The following KDR variants were observed in gnomAD, a reference collection of about 807,000 sequenced individuals.
KDR encodes kinase insert domain receptor.
Under a neutral mutation model 160.9 loss-of-function variants are expected in KDR, and 43 were observed. That is an observed-to-expected ratio of 0.27 (90% CI 0.21 to 0.34). The LOEUF (loss-of-function observed/expected upper bound fraction) is 0.34, where lower values mean the gene tolerates loss of function less well. Ranked by LOEUF, KDR falls within the 10% of genes least tolerant of loss-of-function variation. KDR has a pLI of 1.00. For missense variants in KDR, 1,469 were observed against 1,666.4 expected (o/e 0.88, Z 2.06); for synonymous variants, 617 against 600.1 (o/e 1.03, Z -0.41).
chr4:55,105,660 A>G (rs1406708064), intron 12 of KDR, among the ~76,000 whole-genome samples, 172 bp downstream of exon 12: 3 of 152,224 alleles, frequency 2.0e-5, no homozygotes, highest in Non-Finnish European at 4.4e-5. Context: ...ACATAAGCCC[A>G]GGAGATACCT....
Position 55,094,886 on chromosome 4 carries a change from A to C in KDR, c.2887T>G (p.Leu963Val). ...GAIPVDLKRRLDSITSSQSSA... is the reference protein window; with the variant it reads ...GAIPVDLKRRVDSITSSQSSA... The stretch of plus-strand genomic sequence containing the variant: ...CTCTGGCTACTGGTGATGCTGTCCA[A>C]GCGCCGTTTCAGATCCACAGGGATT... Residue 963 changes from leucine (L) to valine (V), a missense_variant, in exon 21 of 30, where the codon TTG (leucine) becomes GTG (valine). Coordinates refer to ENST00000263923, the MANE Select transcript of KDR (RefSeq NM_002253.4). 6.2e-7 allele frequency: 1 copy of C among 1,613,964 alleles called. No individual in the cohort carries two copies. Among genetic ancestry groups the C allele is most frequent in the Non-Finnish European group, 8.5e-7 (1 of 1,179,884 alleles).
intron 15 of KDR, among the ~76,000 whole-genome samples, chr4:55,099,063 T>C (rs1413614393): frequency 6.6e-6 from 1 of 151,840 alleles, no homozygotes; most frequent in Non-Finnish European, 1.5e-5. Context: ...TGTTCCAGGC[T>C]GGAGTACCAT....
At position 55,117,621 on chromosome 4, in the gene KDR, T is replaced by C. The variant is rs1011832111; in HGVS notation, c.358+983A>G. Among the ~76,000 whole-genome samples, 8 of 152,238 alleles carry C rather than the reference T, an allele frequency of 5.3e-5. No homozygotes were observed. In the South Asian group the frequency reaches 8.3e-4, roughly 16 times the overall value. On this transcript the variant is annotated intron_variant, in intron 3 of 29. Transcript: ENST00000263923. ...ATGTAAGCAGAGATATGCAAGTGTGTTTCCCAAAGCTGATGAAATTCTTGC... is the reference window on the plus strand; with the variant it reads ...ATGTAAGCAGAGATATGCAAGTGTGCTTCCCAAAGCTGATGAAATTCTTGC...
Position 55,125,420 on chromosome 4 carries a change from C to G in KDR, c.-127G>C, listed in dbSNP as rs1721008106. On this transcript the variant is annotated 5_prime_UTR_variant, in exon 1 of 30. Transcript: ENST00000263923. ...CCGCAGCGCAGGACAGTTGAGCGCA[C>G]AGGGCTAGGGAGCCCGGGCGCCGAC... 1.6e-6 allele frequency: 2 copies of G among 1,259,308 alleles called. No homozygotes were observed. Among genetic ancestry groups the G allele is most frequent in the East Asian group, 5.1e-5 (2 of 39,568 alleles). 78.0% of individuals were successfully genotyped at this position (1,259,308 alleles called of 1,614,324 possible).
rs1719679114 is a variant in KDR at position 55,079,678 on chromosome 4, C to CA, written c.*262dup. On this transcript the variant is annotated 3_prime_UTR_variant, in exon 30 of 30. Transcript: ENST00000263923. ...TCTAAACCCATGGTGAGACCCGCAG[C>CA]AGGGGGCATGATAAATGCTTTTTAA... 1 of 529,852 alleles carries CA rather than the reference C, an allele frequency of 1.9e-6. No homozygotes were observed. Among genetic ancestry groups the CA allele is most frequent in the African/African-American group, 1.9e-5 (1 of 52,744 alleles). The allele number at this position is 529,852 out of a possible 1,614,324, so 32.8% of individuals were successfully genotyped here.
At chr4:55,112,418 T>C (rs1456497085) in intron 7 of KDR, among the ~76,000 whole-genome samples, 4 of 152,142 alleles carry the variant, frequency 2.6e-5, no homozygotes, top group African/African-American at 9.7e-5. Context: ...ATAATACATA[T>C]AACATATAAA....
intron 14 of KDR, 107 bp from the exon 15 acceptor site, chr4:55,102,135 T>C (rs1196984145): frequency 6.0e-6 from 9 of 1,507,342 alleles, no homozygotes; most frequent in Non-Finnish European, 8.2e-6. Context: ...TGTTCTATTA[T>C]CTAACTCTGT....
intron 13 of KDR, 171 bp downstream of exon 13, chr4:55,104,472 C>G: frequency 1.5e-6 from 1 of 663,466 alleles, no homozygotes; most frequent in Admixed American, 2.3e-5. Context: ...TTCGATATAT[C>G]ATTTCATTAT....
Position 55,098,119 on chromosome 4 carries a change from T to C in KDR, c.2509+18A>G, listed in dbSNP as rs958817309. 1 of 1,613,798 alleles carries C rather than the reference T, an allele frequency of 6.2e-7. No individual in the cohort carries two copies. Among genetic ancestry groups the C allele is most frequent in the African/African-American group, 1.3e-5 (1 of 75,032 alleles). The stretch of plus-strand genomic sequence containing the variant: ...CCTGGTAAACACAATATCAAATTAA[T>C]AGCAATTGAAAATGCACCTAGCTTC... On this transcript the variant is annotated intron_variant, in intron 17 of 29. Coordinates refer to ENST00000263923, the MANE Select transcript of KDR (RefSeq NM_002253.4).
chr4:55,112,155 C>A (rs1438081525), intron 7 of KDR, among the ~76,000 whole-genome samples: 1 of 152,108 alleles, frequency 6.6e-6, no homozygotes, highest in Non-Finnish European at 1.5e-5. Flanking sequence ...TTACAGTTGA[C>A]CCTTAAATAA....
At chr4:55,109,975 G>T (rs1720536549) in intron 9 of KDR, among the ~76,000 whole-genome samples, 2 of 152,188 alleles carry the variant, frequency 1.3e-5, no homozygotes, top group South Asian at 4.1e-4. Context: ...GAACGTGCCT[G>T]CACATCTCTG....
chr4:55,107,327 G>A (rs1044046846), intron 10 of KDR, among the ~76,000 whole-genome samples: 1 of 152,186 alleles, frequency 6.6e-6, no homozygotes, highest in East Asian at 1.9e-4. Context: ...CTGAGACCCT[G>A]AGGACTGGGG....
At chr4:55,099,930 A>G (rs1720267993) in intron 15 of KDR, among the ~76,000 whole-genome samples, 2 of 152,170 alleles carry the variant, frequency 1.3e-5, no homozygotes, top group African/African-American at 4.8e-5. Flanking sequence ...GTTTCAAATC[A>G]CTCATGAAAG....
rs1481926952 is a variant in KDR at position 55,082,636 on chromosome 4, C to T, written c.3663-1G>A. 3 of 1,610,900 alleles carry T rather than the reference C, an allele frequency of 1.9e-6. No homozygotes were observed. In the Admixed American group the frequency reaches 5.0e-5, roughly 27 times the overall value. On this transcript the variant is annotated splice_acceptor_variant, in intron 27 of 29. Coordinates refer to ENST00000263923, the MANE Select transcript of KDR (RefSeq NM_002253.4). LOFTEE classifies it high-confidence loss of function. Reference sequence around the variant, plus strand: ...TCGCTTACTGTTCTGCAGATACTGACTGCAAAAGAACAAATATTTATATTT... The same window carrying T: ...TCGCTTACTGTTCTGCAGATACTGATTGCAAAAGAACAAATATTTATATTT...
chr4:55,096,887 C>T (rs370934356), intron 18 of KDR, among the ~76,000 whole-genome samples: 32 of 152,272 alleles, frequency 2.1e-4, no homozygotes, highest in African/African-American at 7.5e-4. Context: ...GCTACACTTC[C>T]CACTAATTCA....
chr4:55,080,295 G>T, intron 29 of KDR, 132 bp from the exon 30 acceptor site: 1 of 775,612 alleles, frequency 1.3e-6, no homozygotes, highest in Non-Finnish European at 2.2e-6. Flanking sequence ...TCTCCCAGTT[G>T]TTAATCAGCA....
chr4:55,099,123 C>T (rs1483458214), intron 15 of KDR, among the ~76,000 whole-genome samples: 1 of 151,922 alleles, frequency 6.6e-6, no homozygotes, highest in Admixed American at 6.6e-5. Flanking sequence ...TCAAGCGATT[C>T]TCCCCCCTCA....
chr4:55,081,873 A>G, intron 29 of KDR, 83 bp downstream of exon 29: 1 of 915,106 alleles, frequency 1.1e-6, no homozygotes, highest in Non-Finnish European at 1.8e-6. Context: ...CCATAGGGAA[A>G]ATTCTGCACT....
rs910537152 is a variant in KDR, at chr4:55,125,416, C to T, written c.-123G>A. The T allele has an allele frequency of 5.5e-6, 7 of 1,280,128 alleles. No homozygotes were observed. Among genetic ancestry groups the T allele is most frequent in the Admixed American group, 2.0e-5 (1 of 50,556 alleles). 79.3% of individuals were successfully genotyped at this position (1,280,128 alleles called of 1,614,324 possible). On this transcript the variant is annotated 5_prime_UTR_variant, in exon 1 of 30. Transcript: ENST00000263923. The stretch of plus-strand genomic sequence containing the variant: ...CACCCCGCAGCGCAGGACAGTTGAG[C>T]GCACAGGGCTAGGGAGCCCGGGCGC...
Sources: gnomAD v4.1 joint callset for allele counts (sites outside exome capture counted in the v4.1 genomes callset) on GRCh38, gnomAD v4.1.1 for gene constraint, MANE v1.5 for transcripts, NCBI Gene and HGNC (gene_info 2026-07-23, HGNC 2026-07-21) for gene names.